SPATA6: variants seen among roughly 807,000 people sequenced by gnomAD.
SPATA6 encodes spermatogenesis associated 6.
Under a neutral mutation model 65.3 loss-of-function variants are expected in SPATA6, and 56 were observed. The ratio of observed to expected loss-of-function variants is 0.86; its 90% CI spans 0.69 to 1.07. The LOEUF is 1.07. Ranked by LOEUF, SPATA6 falls within the 50% of genes least tolerant of loss-of-function variation. The pLI is 0.00. For missense variants in SPATA6, 590 were observed against 594.8 expected, an observed-to-expected ratio of 0.99 and a Z score of 0.08; for synonymous variants, 199 against 213.2, an observed-to-expected ratio of 0.93 and a Z score of 0.58.
At chr1:48,471,865 G>T in intron 1 of SPATA6, 93 bp downstream of exon 1, 1 of 1,425,582 alleles carries the variant, frequency 7.0e-7, no homozygotes, top group Non-Finnish European at 9.7e-7. Flanking sequence ...TTCGGAGGGT[G>T]AAGGAGGTTT....
At chr1:48,403,753 A>T in intron 6 of SPATA6, 49 bp downstream of exon 6, 1 of 1,461,578 alleles carries the variant, frequency 6.8e-7, no homozygotes, top group Non-Finnish European at 9.3e-7. Flanking sequence ...GGCCACAAAT[A>T]TGACCAAATA....
At chr1:48,285,177 CTGCGG>C in the SPATA6 span, among the ~76,000 whole-genome samples, 1 of 152,146 alleles carries the variant, frequency 6.6e-6, no homozygotes, top group Non-Finnish European at 1.5e-5. Context: ...GTTTGCCTAG[CTGCGG>C]TGGGCTCCTC....
the SPATA6 span, among the ~76,000 whole-genome samples, chr1:48,267,752 G>GTTTTTTTT: frequency 8.9e-4 from 65 of 72,704 alleles, 7 homozygotes; most frequent in Middle Eastern, 0.042. Flanking sequence ...TAGGGTCTGG[G>GTTTTTTTT]TTTTTTTTTT....
At chr1:48,461,263 G>A (rs1027999027) in intron 1 of SPATA6, among the ~76,000 whole-genome samples, 4 of 152,004 alleles carry the variant, frequency 2.6e-5, no homozygotes, top group African/African-American at 7.2e-5. Context: ...AGTAGGTTGC[G>A]AAAATTTTCT....
Position 48,417,851 on chromosome 1 carries a change from CAAAAA to C in SPATA6, c.239-4705_239-4701del, listed in dbSNP as rs1209685298. On this transcript the variant is annotated intron_variant, in intron 3 of 12. Coordinates refer to ENST00000371847, the MANE Select transcript of SPATA6 (RefSeq NM_019073.4). The stretch of plus-strand genomic sequence containing the variant: ...TCAAAAACAAAAAAACAAAACAAAA[CAAAAA>C]AACATTTTTGTTTTTTGTTGTTGTT... Among the ~76,000 whole-genome samples, 4 of 152,068 alleles carry C rather than the reference CAAAAA, an allele frequency of 2.6e-5. No homozygotes were observed. In the East Asian group the frequency reaches 7.7e-4, roughly 29 times the overall value.
intron 11 of SPATA6, among the ~76,000 whole-genome samples, chr1:48,355,010 A>AC (rs371846083): frequency 5.3e-5 from 8 of 151,838 alleles, no homozygotes; most frequent in East Asian, 1.9e-4. Context: ...AACCCCTTAT[A>AC]CCCCCCCAAG....
chr1:48,364,649 G>GT, intron 9 of SPATA6, among the ~76,000 whole-genome samples: 1 of 152,170 alleles, frequency 6.6e-6, no homozygotes, highest in East Asian at 1.9e-4. Flanking sequence ...TGATGGGGTT[G>GT]TTTTTTTCTT....
chr1:48,418,505 C>T (rs1395975104), intron 3 of SPATA6, among the ~76,000 whole-genome samples: 4 of 118,490 alleles, frequency 3.4e-5, no homozygotes, highest in East Asian at 2.7e-4. Flanking sequence ...CCCCGGAGTT[C>T]GAGACCAGCC....
chr1:48,327,555 T>C (rs938876050), intron 11 of SPATA6, among the ~76,000 whole-genome samples: 14 of 152,162 alleles, frequency 9.2e-5, no homozygotes, highest in South Asian at 2.1e-4. Flanking sequence ...CATATATTCA[T>C]TGCAGCACTG....
intron 3 of SPATA6, among the ~76,000 whole-genome samples, chr1:48,431,867 T>C (rs542213204): frequency 4.6e-5 from 7 of 152,150 alleles, no homozygotes; most frequent in Non-Finnish European, 1.0e-4. Context: ...TCCCAGCACT[T>C]TGGGAGGCCA....
chr1:48,384,114 A>T (rs1649137579), intron 9 of SPATA6, among the ~76,000 whole-genome samples: 1 of 150,048 alleles, frequency 6.7e-6, no homozygotes, highest in South Asian at 2.1e-4. Context: ...CTGGCGGATC[A>T]CTCGTGGCTA....
intron 9 of SPATA6, among the ~76,000 whole-genome samples, chr1:48,367,358 T>G (rs1335994320): frequency 2.0e-5 from 3 of 152,294 alleles, no homozygotes; most frequent in African/African-American, 7.2e-5. Flanking sequence ...CCTTGTTAAC[T>G]TTCTGTCTCG....
intron 11 of SPATA6, among the ~76,000 whole-genome samples, chr1:48,308,339 T>C (rs1021420945): frequency 2.5e-4 from 38 of 152,066 alleles, no homozygotes; most frequent in African/African-American, 8.7e-4. Context: ...TATGGAAACT[T>C]TGCTCTTACA....
At chr1:48,282,395 G>A in the SPATA6 span, among the ~76,000 whole-genome samples, 1 of 152,040 alleles carries the variant, frequency 6.6e-6, no homozygotes, top group African/African-American at 2.4e-5. Flanking sequence ...GAGTAAACAG[G>A]CAACCTACAA....
chr1:48,377,403 C>A (rs1648043899), intron 9 of SPATA6, among the ~76,000 whole-genome samples: 1 of 152,168 alleles, frequency 6.6e-6, no homozygotes, highest in South Asian at 2.1e-4. Context: ...AGCCACTGAA[C>A]CTTAATGAAT....
At chr1:48,376,429 T>C (rs559594662) in intron 9 of SPATA6, among the ~76,000 whole-genome samples, 10 of 152,142 alleles carry the variant, frequency 6.6e-5, no homozygotes, top group African/African-American at 2.4e-4. Flanking sequence ...CATCAAACAC[T>C]GAGTTGTGAA....
chr1:48,284,053 C>T, the SPATA6 span, among the ~76,000 whole-genome samples: 1 of 151,964 alleles, frequency 6.6e-6, no homozygotes, highest in African/African-American at 2.4e-5. Context: ...CTCCCTGTCA[C>T]TTTCAGGTAC....
At chr1:48,315,559 T>A (rs1645386415) in intron 11 of SPATA6, among the ~76,000 whole-genome samples, 1 of 152,136 alleles carries the variant, frequency 6.6e-6, no homozygotes, top group Admixed American at 6.5e-5. Flanking sequence ...AAGAGCTATC[T>A]ATGACAAACC....
At chr1:48,269,731 T>C in the SPATA6 span, among the ~76,000 whole-genome samples, 1 of 151,700 alleles carries the variant, frequency 6.6e-6, no homozygotes, top group Non-Finnish European at 1.5e-5. Context: ...AATACATATA[T>C]AATATAATAA....
Sources: allele counts gnomAD v4.1 joint callset (sites outside exome capture counted in the v4.1 genomes callset), GRCh38; gene constraint gnomAD v4.1.1; transcripts MANE v1.5; gene names NCBI Gene and HGNC (gene_info 2026-07-23, HGNC 2026-07-21).